DLGAP2: variants seen among roughly 807,000 people sequenced by gnomAD.
DLGAP2 encodes DLG associated protein 2, also known as disks large-associated protein 2.
In DLGAP2, 26 loss-of-function variants were observed where a neutral mutation model predicts 100.3. That is an observed-to-expected ratio of 0.26 (90% confidence interval 0.19 to 0.36). DLGAP2 has a LOEUF of 0.36. DLGAP2 is among the 10% of genes least tolerant of loss of function. The pLI is 1.00. For synonymous variants in DLGAP2, 886 were observed against 630.1 expected, an observed-to-expected ratio of 1.41 and a Z score of -6.08; for missense variants, 1,858 against 1,453.2, an observed-to-expected ratio of 1.28 and a Z score of -4.53.
chr8:1,286,782 A>C (rs1260694723), intron 3 of DLGAP2, among the ~76,000 whole-genome samples: 1 of 152,200 alleles, frequency 6.6e-6, no homozygotes, highest in Non-Finnish European at 1.5e-5. Context: ...CTACTTCCCC[A>C]GTGTCTCTGG....
At chr8:769,247 G>A (rs1821294927) in intron 1 of DLGAP2, among the ~76,000 whole-genome samples, 1 of 152,120 alleles carries the variant, frequency 6.6e-6, no homozygotes, top group Non-Finnish European at 1.5e-5. Flanking sequence ...GAAGGCACAT[G>A]GAGTGCTTGC....
At chr8:1,454,315 T>C (rs1798245420) in intron 3 of DLGAP2, among the ~76,000 whole-genome samples, 1 of 152,034 alleles carries the variant, frequency 6.6e-6, no homozygotes, top group Admixed American at 6.6e-5. Flanking sequence ...GTAGCATCCA[T>C]GGCAGTCTGA....
At chr8:1,187,053 C>T (rs1419038125) in intron 2 of DLGAP2, among the ~76,000 whole-genome samples, 3 of 152,138 alleles carry the variant, frequency 2.0e-5, no homozygotes, top group African/African-American at 7.2e-5. Flanking sequence ...CCCCAGAATC[C>T]CATGGAAGGG....
intron 2 of DLGAP2, among the ~76,000 whole-genome samples, chr8:1,011,201 C>CA (rs1801272923): frequency 2.7e-5 from 4 of 150,302 alleles, no homozygotes; most frequent in African/African-American, 1.0e-4. Context: ...TGAGGGGTCT[C>CA]AGTCTGCACA....
chr8:1,273,366 G>A (rs1485892849), intron 3 of DLGAP2, among the ~76,000 whole-genome samples: 11 of 152,290 alleles, frequency 7.2e-5, no homozygotes, highest in Admixed American at 3.9e-4. Context: ...GGGAGCATGA[G>A]GCACAGCTCA....
chr8:1,261,682 A>G (rs1799353709), intron 3 of DLGAP2, among the ~76,000 whole-genome samples: 1 of 152,206 alleles, frequency 6.6e-6, no homozygotes, highest in Non-Finnish European at 1.5e-5. Flanking sequence ...GCTCCAGATC[A>G]GGGAGGAGGA....
chr8:741,104 C>G (rs1820470535), intron 1 of DLGAP2, among the ~76,000 whole-genome samples: 1 of 152,208 alleles, frequency 6.6e-6, no homozygotes, highest in African/African-American at 2.4e-5. Context: ...CCACTAACTT[C>G]TTCAATATGT....
At chr8:774,489 G>T (rs1206911366) in intron 1 of DLGAP2, among the ~76,000 whole-genome samples, 2 of 151,702 alleles carry the variant, frequency 1.3e-5, no homozygotes, top group Non-Finnish European at 2.9e-5. Flanking sequence ...TAGGTCTAAC[G>T]TTTAAGTCTT....
intron 2 of DLGAP2, among the ~76,000 whole-genome samples, chr8:1,159,570 C>T (rs1796851587): frequency 1.3e-5 from 1 of 78,382 alleles, no homozygotes; most frequent in African/African-American, 5.2e-5. Flanking sequence ...CACGAAGCAG[C>T]ACACTCTTCT....
intron 1 of DLGAP2, among the ~76,000 whole-genome samples, chr8:776,455 T>G (rs1821518243): frequency 6.6e-6 from 1 of 152,208 alleles, no homozygotes; most frequent in Non-Finnish European, 1.5e-5. Flanking sequence ...GGTGTCAATT[T>G]TGGATCTTTC....
intron 2 of DLGAP2, among the ~76,000 whole-genome samples, chr8:1,075,258 C>G (rs1370255105): frequency 6.6e-6 from 1 of 152,142 alleles, no homozygotes; most frequent in Non-Finnish European, 1.5e-5. Context: ...TTAGGACCCT[C>G]TTGTTGAGGA....
chr8:955,757 A>G (rs755870452), intron 2 of DLGAP2, among the ~76,000 whole-genome samples: 10 of 152,318 alleles, frequency 6.6e-5, no homozygotes, highest in Non-Finnish European at 1.2e-4. Context: ...CATTGTTGCA[A>G]TCTTCCGGCT....
chr8:1,123,345 A>C (rs747535631), intron 2 of DLGAP2, among the ~76,000 whole-genome samples: 1 of 152,174 alleles, frequency 6.6e-6, no homozygotes, highest in African/African-American at 2.4e-5. Context: ...GGGTGATAAT[A>C]TTTAAATTTG....
chr8:1,445,124 C>T (rs1797949125), intron 3 of DLGAP2, among the ~76,000 whole-genome samples: 1 of 148,978 alleles, frequency 6.7e-6, no homozygotes, highest in African/African-American at 2.5e-5. Context: ...TTTTAGGGTA[C>T]ATGTGTACAA....
At chr8:1,212,745 CT>C (rs920938926) in intron 2 of DLGAP2, among the ~76,000 whole-genome samples, 2 of 120,594 alleles carry the variant, frequency 1.7e-5, no homozygotes, top group Non-Finnish European at 3.4e-5. Context: ...TTGCCAAGAC[CT>C]CTCTCTCTCT....
At chr8:741,167 C>T (rs1820472911) in intron 1 of DLGAP2, among the ~76,000 whole-genome samples, 2 of 152,192 alleles carry the variant, frequency 1.3e-5, no homozygotes, top group South Asian at 2.1e-4. Context: ...AGTGATTTCA[C>T]GTGTGCTCAT....
intron 3 of DLGAP2, among the ~76,000 whole-genome samples, chr8:1,456,761 G>T (rs1407622203): frequency 1.3e-5 from 2 of 152,282 alleles, no homozygotes; most frequent in Non-Finnish European, 1.5e-5. Context: ...GCTGTGCCAG[G>T]CTGTGCACTG....
intron 4 of DLGAP2, among the ~76,000 whole-genome samples, chr8:1,516,133 A>C (rs1800367780): frequency 6.7e-6 from 1 of 148,482 alleles, no homozygotes; most frequent in African/African-American, 2.5e-5. Context: ...GAGGAAAGGA[A>C]AGAGGGAGGG....
intron 3 of DLGAP2, among the ~76,000 whole-genome samples, chr8:1,331,573 C>G (rs80263143): frequency 6.6e-6 from 1 of 152,168 alleles, no homozygotes; most frequent in African/African-American, 2.4e-5. Context: ...TCATCCACCT[C>G]GGTGTTTAAT....
Sources: allele counts gnomAD v4.1 joint callset (sites outside exome capture counted in the v4.1 genomes callset), GRCh38; gene constraint gnomAD v4.1.1; transcripts MANE v1.5; gene names NCBI Gene and HGNC (gene_info 2026-07-23, HGNC 2026-07-21).